The following PRKN variants were observed in gnomAD, a reference collection of about 807,000 sequenced individuals.
PRKN encodes the protein parkin RBR E3 ubiquitin protein ligase.
Under a neutral mutation model 59.5 loss-of-function variants are expected in PRKN, and 56 were observed. That is an observed-to-expected ratio of 0.94 (90% CI 0.76 to 1.18). The LOEUF (loss-of-function observed/expected upper bound fraction) is 1.18. Among genes scored for constraint, PRKN ranks in the 50% most tolerant of loss-of-function variants. The probability of loss-of-function intolerance (pLI) is 0.00; values close to 1 mark genes in which losing one functional copy is unlikely to be tolerated. For synonymous variants in PRKN, 250 were observed against 222.1 expected, an observed-to-expected ratio of 1.13 and a Z score of -1.12; for missense variants, 657 against 596.4, an observed-to-expected ratio of 1.10 and a Z score of -1.06.
At chr6:162,317,130 C>A (rs1782784660) in intron 2 of PRKN, among the ~76,000 whole-genome samples, 1 of 152,040 alleles carries the variant, frequency 6.6e-6, no homozygotes, top group Non-Finnish European at 1.5e-5. Flanking sequence ...AAAGCCTCAA[C>A]CATTTACTTC....
intron 3 of PRKN, among the ~76,000 whole-genome samples, chr6:162,204,316 A>C (rs1426357947): frequency 2.6e-5 from 4 of 152,190 alleles, no homozygotes; most frequent in Non-Finnish European, 5.9e-5. Flanking sequence ...AAGCCACATT[A>C]AACAAGTCCC....
chr6:161,829,765 T>C (rs1192934362), intron 6 of PRKN, among the ~76,000 whole-genome samples: 4 of 150,792 alleles, frequency 2.7e-5, no homozygotes, highest in Admixed American at 6.6e-5. Context: ...CTGGTGAACA[T>C]GTGCTCTGAA....
chr6:162,474,957 A>G (rs1583635856), intron 1 of PRKN, among the ~76,000 whole-genome samples: 1 of 152,334 alleles, frequency 6.6e-6, no homozygotes, highest in East Asian at 1.9e-4. Flanking sequence ...TCAAAATAAA[A>G]TTCAAAATGA....
At chr6:162,620,149 C>A (rs1284275248) in intron 1 of PRKN, among the ~76,000 whole-genome samples, 2 of 152,022 alleles carry the variant, frequency 1.3e-5, no homozygotes, top group Non-Finnish European at 2.9e-5. Flanking sequence ...TCCTATTCTA[C>A]CTCCTGACTT....
chr6:161,581,160 G>A lies in PRKN; in HGVS notation c.872-11744C>T, dbSNP rs1339687580. On this transcript the variant is annotated intron_variant, in intron 7 of 11. Coordinates refer to ENST00000366898, the MANE Select transcript of PRKN (RefSeq NM_004562.3). The surrounding 1 kb of genome is among the most constrained non-coding windows in gnomAD (Gnocchi z 4.5). Reference sequence around the variant, plus strand: ...TGGGAGGCAGAGGTTGCAGTGAGCCGAGATTGTGCCACTGCACCAGCCTGG... The same window carrying A: ...TGGGAGGCAGAGGTTGCAGTGAGCCAAGATTGTGCCACTGCACCAGCCTGG... Among the ~76,000 whole-genome samples, 3 of 151,092 alleles carry A rather than the reference G, an allele frequency of 2.0e-5. No individual in the cohort carries two copies. The highest frequency in any genetic ancestry group is 4.9e-5 in the African/African-American group (2 of 40,998).
intron 4 of PRKN, among the ~76,000 whole-genome samples, chr6:162,196,602 C>T (rs1025367598): frequency 2.0e-5 from 3 of 152,238 alleles, no homozygotes; most frequent in African/African-American, 7.2e-5. Flanking sequence ...ATCAAGGTCA[C>T]CATGCAAGAA....
At chr6:161,623,059 G>A (rs1233231335) in intron 7 of PRKN, among the ~76,000 whole-genome samples, 2 of 152,190 alleles carry the variant, frequency 1.3e-5, no homozygotes, top group East Asian at 3.9e-4. Context: ...GATTGCATGA[G>A]CCCCAGCCTG....
chr6:162,586,153 C>G (rs189389722), intron 1 of PRKN, among the ~76,000 whole-genome samples: 1 of 152,224 alleles, frequency 6.6e-6, no homozygotes, highest in East Asian at 1.9e-4. Flanking sequence ...TAGCCTGACC[C>G]TATGTGCTGG....
At chr6:161,888,699 G>A (rs1210164928) in intron 6 of PRKN, among the ~76,000 whole-genome samples, 1 of 152,074 alleles carries the variant, frequency 6.6e-6, no homozygotes, top group Admixed American at 6.6e-5. Flanking sequence ...AGCATCCTTT[G>A]ATCATCACTT....
rs947111185 is a variant in PRKN at position 161,593,679 on chromosome 6, A to G, written c.872-24263T>C. The stretch of plus-strand genomic sequence containing the variant: ...GGCTGGACAGTGGTGCCTTCTACTG[A>G]GAGTAGGAAGACTGGGGAAGAGCGA... On this transcript the variant is annotated intron_variant, in intron 7 of 11. Coordinates refer to ENST00000366898, the MANE Select transcript of PRKN (RefSeq NM_004562.3). This position sits in a 1 kb window ranked among gnomAD's most constrained non-coding sequence, Gnocchi z 4.8. Among the ~76,000 whole-genome samples the G allele has an allele frequency of 6.6e-6, 1 of 152,164 alleles. No individual in the cohort carries two copies. The highest frequency in any genetic ancestry group is 1.5e-5 in the Non-Finnish European group (1 of 68,028).
At chr6:162,052,318 T>C (rs1348120636) in intron 5 of PRKN, among the ~76,000 whole-genome samples, 1 of 152,142 alleles carries the variant, frequency 6.6e-6, no homozygotes, top group Non-Finnish European at 1.5e-5. Context: ...GCTTGTTTAA[T>C]TTGACTGGAT....
chr6:162,650,481 C>A (rs1778381133), intron 1 of PRKN, among the ~76,000 whole-genome samples: 1 of 150,442 alleles, frequency 6.6e-6, no homozygotes, highest in Non-Finnish European at 1.5e-5. Flanking sequence ...GCCTGTAGTC[C>A]CAGCTACTTG....
intron 1 of PRKN, among the ~76,000 whole-genome samples, chr6:162,548,607 G>A (rs977759995): frequency 1.4e-4 from 22 of 152,248 alleles, no homozygotes; most frequent in African/African-American, 5.3e-4. Flanking sequence ...AAACCAAAGA[G>A]ACATTAATAC....
chr6:161,756,442 GAAAAAAAAAAAAAAA>G (rs57399165), intron 7 of PRKN, among the ~76,000 whole-genome samples: 5 of 74,724 alleles, frequency 6.7e-5, no homozygotes, highest in African/African-American at 1.1e-4. Flanking sequence ...ACCTTGTCTC[GAAAAAAAAAAAAAAA>G]AAAAAAAAAA....
intron 4 of PRKN, among the ~76,000 whole-genome samples, chr6:162,102,740 A>T (rs955109285): frequency 6.6e-6 from 1 of 152,132 alleles, no homozygotes; most frequent in Non-Finnish European, 1.5e-5. Flanking sequence ...TGAAGAACAC[A>T]CAGGGCAGAA....
chr6:161,727,253 C>T (rs931401767), intron 7 of PRKN, among the ~76,000 whole-genome samples: 3 of 152,156 alleles, frequency 2.0e-5, no homozygotes, highest in Non-Finnish European at 4.4e-5. Flanking sequence ...CAACCAACCC[C>T]TGCAGGGCAA....
At position 161,385,189 on chromosome 6, in the gene PRKN, A is replaced by G. The variant is rs527691849; in HGVS notation, c.1167+1605T>C. On this transcript the variant is annotated intron_variant, in intron 10 of 11. Transcript: ENST00000366898. This position sits in a 1 kb window ranked among gnomAD's most constrained non-coding sequence, Gnocchi z 4.9. Reference sequence around the variant, plus strand: ...ATGATCCGCCCACCTCGGCCTCCCAAAGTGCTGGGATTACAGGCATAAGCC... The same window carrying G: ...ATGATCCGCCCACCTCGGCCTCCCAGAGTGCTGGGATTACAGGCATAAGCC... Among the ~76,000 whole-genome samples the G allele has an allele frequency of 2.4e-4, 36 of 149,976 alleles. No homozygotes were observed. Among genetic ancestry groups the G allele is most frequent in the Admixed American group, 1.7e-3 (26 of 15,054 alleles).
rs1180434149 is a variant in PRKN, at chr6:161,874,902, TA to T, written c.735-88995del. Among the ~76,000 whole-genome samples the T allele has an allele frequency of 1.2e-3, 131 of 107,572 alleles. 4 individuals carry two copies. Among genetic ancestry groups the T allele is most frequent in the African/African-American group, 5.2e-3 (125 of 24,024 alleles). 70.6% of individuals were successfully genotyped at this position (107,572 alleles called of 152,430 possible). On this transcript the variant is annotated intron_variant, in intron 6 of 11. Coordinates refer to ENST00000366898, the MANE Select transcript of PRKN (RefSeq NM_004562.3). ...AAAATATATAATATATAATATATAA[TA>T]TATATTATAAAATATAAAATATAAA... is the stretch of plus-strand genomic sequence containing the variant.
chr6:161,848,040 A>G lies in PRKN; in HGVS notation c.735-62132T>C, dbSNP rs570332750. Among the ~76,000 whole-genome samples the G allele has an allele frequency of 4.6e-5, 7 of 152,322 alleles. No individual in the cohort carries two copies. The South Asian group carries it at 1.5e-3, about 32-fold the overall frequency. ...TCACCGCCTTATCTTACAAGTGAGG[A>G]AACTGATACCAAAAGAGACTGGAAT... On this transcript the variant is annotated intron_variant, in intron 6 of 11. Transcript: ENST00000366898.
Sources: gnomAD v4.1 joint callset for allele counts (sites outside exome capture counted in the v4.1 genomes callset) on GRCh38, gnomAD v4.1.1 for gene constraint, Gnocchi (gnomAD v3.1) non-coding constraint, MANE v1.5 for transcripts, NCBI Gene and HGNC (gene_info 2026-07-23, HGNC 2026-07-21) for gene names.